The following KCNQ5 variants were observed in gnomAD, a reference collection of about 807,000 sequenced individuals.
KCNQ5 encodes potassium voltage-gated channel subfamily Q member 5.
KCNQ5 carries 30 observed loss-of-function variants against 98.2 expected under a neutral mutation model. That is an observed-to-expected ratio of 0.31 (90% confidence interval 0.23 to 0.41). The LOEUF (loss-of-function observed/expected upper bound fraction) is 0.41, where lower values mean the gene tolerates loss of function less well. KCNQ5 is among the 10% of genes least tolerant of loss of function. The pLI, the probability that KCNQ5 is intolerant of heterozygous loss-of-function variation, is 1.00. For missense variants in KCNQ5, 835 were observed against 1,182.5 expected (o/e 0.71, Z 4.31); for synonymous variants, 458 against 449.4 (o/e 1.02, Z -0.24).
chr6:73,053,490 A>G (rs1772334699), intron 3 of KCNQ5, among the ~76,000 whole-genome samples: 1 of 152,222 alleles, frequency 6.6e-6, no homozygotes, highest in South Asian at 2.1e-4. Flanking sequence ...TTGACTAATC[A>G]GCCATAAAAC....
At chr6:72,910,412 T>G (rs902231686) in intron 1 of KCNQ5, among the ~76,000 whole-genome samples, 4 of 152,176 alleles carry the variant, frequency 2.6e-5, no homozygotes, top group Admixed American at 2.0e-4. Context: ...ATGCTTATAT[T>G]GAATATTATA....
At chr6:72,680,012 T>G (rs1312850951) in intron 1 of KCNQ5, among the ~76,000 whole-genome samples, 2 of 152,190 alleles carry the variant, frequency 1.3e-5, no homozygotes, top group Non-Finnish European at 2.9e-5. Context: ...CACTCCAGCC[T>G]GGGCTGGGTG....
At chr6:72,706,579 C>T (rs550320742) in intron 1 of KCNQ5, among the ~76,000 whole-genome samples, 8 of 152,002 alleles carry the variant, frequency 5.3e-5, no homozygotes, top group Admixed American at 2.0e-4. Context: ...AATCACTTCT[C>T]GATATTGGCT....
At chr6:72,704,162 A>G (rs11962837) in intron 1 of KCNQ5, among the ~76,000 whole-genome samples, 2,654 of 152,290 alleles carry the variant, frequency 0.017, 77 homozygotes, top group African/African-American at 0.06. Context: ...ATCAAAAATC[A>G]GGCTTTGGGC....
At chr6:73,069,909 G>A (rs1294612121) in intron 3 of KCNQ5, among the ~76,000 whole-genome samples, 1 of 152,166 alleles carries the variant, frequency 6.6e-6, no homozygotes, top group African/African-American at 2.4e-5. Context: ...AGGAAAAACA[G>A]GAGAGTGAAA....
At chr6:73,074,181 G>T (rs1328893853) in intron 3 of KCNQ5, among the ~76,000 whole-genome samples, 1 of 152,168 alleles carries the variant, frequency 6.6e-6, no homozygotes. Flanking sequence ...ATAAAACACT[G>T]TGGAACCACC....
intron 3 of KCNQ5, among the ~76,000 whole-genome samples, chr6:73,056,321 C>A (rs1243777667): frequency 6.6e-6 from 1 of 152,140 alleles, no homozygotes; most frequent in African/African-American, 2.4e-5. Flanking sequence ...CAACTGTTTC[C>A]TCCCTGACCC....
Position 73,161,637 on chromosome 6 carries a change from A to G in KCNQ5, c.1469-8109A>G, listed in dbSNP as rs1417095769. ...AAAATAGAATTATTTTTAAAAAGAA[A>G]TGCAGAAAGAATCTAATCCGTAAAA... On this transcript the variant is annotated intron_variant, in intron 10 of 13. Coordinates refer to ENST00000370398, the MANE Select transcript of KCNQ5 (RefSeq NM_019842.4). Among the ~76,000 whole-genome samples the G allele has an allele frequency of 2.0e-5, 3 of 152,356 alleles. No homozygotes were observed. The East Asian group carries it at 5.8e-4, about 29-fold the overall frequency.
At chr6:73,137,124 T>C (rs978193344) in intron 10 of KCNQ5, among the ~76,000 whole-genome samples, 9 of 152,172 alleles carry the variant, frequency 5.9e-5, no homozygotes, top group Admixed American at 5.9e-4. Context: ...TATTCAGGGT[T>C]AATCTGTAAA....
At chr6:73,145,441 C>T (rs774150908) in intron 10 of KCNQ5, among the ~76,000 whole-genome samples, 6 of 152,190 alleles carry the variant, frequency 3.9e-5, no homozygotes, top group East Asian at 1.9e-4. Flanking sequence ...ACAGTATAAA[C>T]CAGCTGTATG....
chr6:72,897,616 A>G (rs190990457), intron 1 of KCNQ5, among the ~76,000 whole-genome samples: 6 of 152,324 alleles, frequency 3.9e-5, no homozygotes, highest in African/African-American at 9.6e-5. Context: ...AACTAAGATA[A>G]CACATATGAA....
intron 1 of KCNQ5, among the ~76,000 whole-genome samples, chr6:72,904,655 T>A (rs1360002309): frequency 6.6e-6 from 1 of 152,188 alleles, no homozygotes; most frequent in Non-Finnish European, 1.5e-5. Flanking sequence ...AATTCTTGGC[T>A]GATAATTGTT....
At chr6:72,712,375 T>C (rs1769415709) in intron 1 of KCNQ5, among the ~76,000 whole-genome samples, 1 of 152,092 alleles carries the variant, frequency 6.6e-6, no homozygotes, top group Non-Finnish European at 1.5e-5. Context: ...CACTCTGAAG[T>C]GAGTAGCATG....
chr6:72,803,306 C>T (rs956577740), intron 1 of KCNQ5, among the ~76,000 whole-genome samples: 9 of 152,110 alleles, frequency 5.9e-5, no homozygotes, highest in Non-Finnish European at 1.3e-4. Context: ...ATCTGGGCTG[C>T]GAACAGATAG....
chr6:72,668,122 T>C (rs1766920828), intron 1 of KCNQ5, among the ~76,000 whole-genome samples: 1 of 152,194 alleles, frequency 6.6e-6, no homozygotes, highest in African/African-American at 2.4e-5. Flanking sequence ...GAAGTTGATA[T>C]TGGGAAGGCT....
intron 10 of KCNQ5, among the ~76,000 whole-genome samples, chr6:73,155,156 G>A (rs906588265): frequency 7.9e-5 from 12 of 152,088 alleles, no homozygotes; most frequent in Non-Finnish European, 1.3e-4. Flanking sequence ...ACTCCATCAC[G>A]CCACCCTGCA....
At chr6:72,934,898 A>T (rs1465479688) in intron 1 of KCNQ5, among the ~76,000 whole-genome samples, 1 of 152,014 alleles carries the variant, frequency 6.6e-6, no homozygotes, top group Non-Finnish European at 1.5e-5. Flanking sequence ...TGAAACCTCT[A>T]ATACAGTGAC....
chr6:73,089,775 G>A lies in KCNQ5; in HGVS notation c.918+11888G>A, dbSNP rs866164257. ...TTATGGCTGAGTAGTATTCCATCAT[G>A]TATATATATATACCACAGTTTCTTT... On this transcript the variant is annotated intron_variant, in intron 5 of 13. Transcript: ENST00000370398. 4.0e-5 allele frequency among the ~76,000 whole-genome samples: 6 copies of A among 150,830 alleles called. No homozygotes were observed. The South Asian group carries it at 1.3e-3, about 32-fold the overall frequency.
intron 1 of KCNQ5, among the ~76,000 whole-genome samples, chr6:72,634,023 G>T (rs1449686259): frequency 6.6e-6 from 1 of 152,192 alleles, no homozygotes; most frequent in Non-Finnish European, 1.5e-5. Flanking sequence ...GCAAAACCAA[G>T]AATTGACAAG....
Sources: allele counts gnomAD v4.1 joint callset (sites outside exome capture counted in the v4.1 genomes callset), GRCh38; gene constraint gnomAD v4.1.1; transcripts MANE v1.5; gene names NCBI Gene and HGNC (gene_info 2026-07-23, HGNC 2026-07-21).